Variants in EYS observed in about 807,000 individuals in gnomAD.
EYS encodes the protein protein eyes shut homolog.
Under a neutral mutation model 282.1 loss-of-function variants are expected in EYS, and 250 were observed. The observed-to-expected ratio is 0.89, with a 90% CI of 0.80 to 0.98. The LOEUF is 0.98. Ranked by LOEUF, EYS falls within the 50% of genes least tolerant of loss-of-function variation. The pLI, the probability that EYS is intolerant of heterozygous loss-of-function variation, is 0.00. For missense variants in EYS, 4,016 were observed against 3,709.0 expected (o/e 1.08, Z -2.15); for synonymous variants, 1,355 against 1,282.9 (o/e 1.06, Z -1.20).
In EYS at chr6:64,871,436, TCTAA is replaced by T. The variant is rs1040781852; in HGVS notation, c.2992+15257_2992+15260del. ...CATTGTGGTATTGGAGTTAAATGTC[TCTAA>T]CTGACTACAGGTAACACATGTTTTC... On this transcript the variant is annotated intron_variant, in intron 19 of 42. Coordinates refer to ENST00000503581, the MANE Select transcript of EYS (RefSeq NM_001142800.2). Among the ~76,000 whole-genome samples the T allele has an allele frequency of 5.3e-4, 81 of 152,076 alleles. 1 individual carries two copies. The highest frequency in any genetic ancestry group is 1.9e-3 in the African/African-American group (78 of 41,544).
At chr6:64,962,003 C>A (rs1769936379) in intron 14 of EYS, among the ~76,000 whole-genome samples, 2 of 152,028 alleles carry the variant, frequency 1.3e-5, no homozygotes, top group African/African-American at 2.4e-5. Flanking sequence ...GTGAAGTCAC[C>A]AAAAACATAA....
intron 22 of EYS, among the ~76,000 whole-genome samples, chr6:64,702,868 G>A (rs1770838525): frequency 6.6e-6 from 1 of 151,964 alleles, no homozygotes. Flanking sequence ...AAGTGTTTTG[G>A]AGTGTAACAA....
intron 12 of EYS, among the ~76,000 whole-genome samples, chr6:65,169,192 T>C (rs1230299128): frequency 6.6e-6 from 1 of 151,516 alleles, no homozygotes; most frequent in East Asian, 2.0e-4. Flanking sequence ...TAGAGAAAAA[T>C]GTATTCTATT....
intron 6 of EYS, among the ~76,000 whole-genome samples, chr6:65,402,836 T>C (rs1331142900): frequency 6.6e-6 from 1 of 152,074 alleles, no homozygotes; most frequent in Non-Finnish European, 1.5e-5. Flanking sequence ...TTAGCAACTA[T>C]ATTCCCTTCC....
intron 33 of EYS, among the ~76,000 whole-genome samples, chr6:64,048,795 G>A (rs7751663): frequency 0.02 from 3,107 of 151,664 alleles, 110 homozygotes; most frequent in African/African-American, 0.07. Context: ...CTTAAAAGAA[G>A]GAACCACAGA....
At position 64,690,588 on chromosome 6, in the gene EYS, T is replaced by A. The variant is rs550603374; in HGVS notation, c.3444-64343A>T. Among the ~76,000 whole-genome samples the A allele has an allele frequency of 1.5e-3, 224 of 152,226 alleles. 1 individual carries two copies. The highest frequency in any genetic ancestry group is 5.3e-3 in the African/African-American group (220 of 41,558). Reference sequence around the variant, plus strand: ...GACTTGGAATCAACCCAAATGTCCATCAATGATAGACTGGATTAAGAAAAT... The same window carrying A: ...GACTTGGAATCAACCCAAATGTCCAACAATGATAGACTGGATTAAGAAAAT... On this transcript the variant is annotated intron_variant, in intron 22 of 42. Coordinates refer to ENST00000503581, the MANE Select transcript of EYS (RefSeq NM_001142800.2).
At chr6:65,035,999 A>C (rs1026487959) in intron 13 of EYS, among the ~76,000 whole-genome samples, 4 of 149,636 alleles carry the variant, frequency 2.7e-5, no homozygotes, top group African/African-American at 4.9e-5. Context: ...TTTATATGGA[A>C]CCAAAAAGAG....
intron 22 of EYS, among the ~76,000 whole-genome samples, chr6:64,743,835 T>C (rs1288952691): frequency 2.0e-5 from 3 of 152,124 alleles, no homozygotes; most frequent in African/African-American, 7.2e-5. Flanking sequence ...CAAAGCACAA[T>C]ACCAAATTAA....
chr6:64,834,343 A>G (rs765383895), intron 19 of EYS, among the ~76,000 whole-genome samples: 20 of 152,004 alleles, frequency 1.3e-4, no homozygotes, highest in Middle Eastern at 3.4e-3. Context: ...TTAGCTTCAT[A>G]GTAAATTCAT....
chr6:63,974,228 T>C (rs1166293156), intron 35 of EYS, among the ~76,000 whole-genome samples: 2 of 152,016 alleles, frequency 1.3e-5, no homozygotes, highest in African/African-American at 2.4e-5. Flanking sequence ...TTTTTACGCA[T>C]TTTTTTGGTG....
intron 12 of EYS, among the ~76,000 whole-genome samples, chr6:65,075,320 A>G (rs1281085484): frequency 6.6e-6 from 1 of 152,052 alleles, no homozygotes; most frequent in Non-Finnish European, 1.5e-5. Context: ...TGGTTTTAAT[A>G]TTGCCAACAG....
rs1395632420 is a variant in EYS at position 64,703,432 on chromosome 6, T to A, written c.3444-77187A>T. On this transcript the variant is annotated intron_variant, in intron 22 of 42. Transcript: ENST00000503581. The stretch of plus-strand genomic sequence containing the variant: ...ACACATATATATATATATATATATT[T>A]TTTTTTTTTTTTTTTGAGATGGAGC... Among the ~76,000 whole-genome samples, 691 of 92,086 alleles carry A rather than the reference T, an allele frequency of 7.5e-3. 31 individuals carry two copies. Among genetic ancestry groups the A allele is most frequent in the African/African-American group, 0.023 (507 of 22,384 alleles). 60.4% of individuals were successfully genotyped at this position (92,086 alleles called of 152,430 possible).
intron 29 of EYS, among the ~76,000 whole-genome samples, chr6:64,310,892 T>A (rs534396922): frequency 3.5e-4 from 54 of 152,246 alleles, no homozygotes; most frequent in African/African-American, 1.3e-3. Context: ...TATATAAAAG[T>A]ATAATTTAAA....
At chr6:64,338,276 C>T (rs1770938088) in intron 29 of EYS, among the ~76,000 whole-genome samples, 1 of 151,828 alleles carries the variant, frequency 6.6e-6, no homozygotes, top group Admixed American at 6.6e-5. Context: ...AAGAATTCAG[C>T]AAAGTTTCTG....
intron 29 of EYS, among the ~76,000 whole-genome samples, chr6:64,357,393 G>A (rs1268766748): frequency 2.0e-5 from 3 of 151,564 alleles, no homozygotes; most frequent in South Asian, 4.1e-4. Context: ...GATGACAAGT[G>A]ATATTTTTAT....
chr6:65,511,984 CA>C (rs11368301), intron 2 of EYS, among the ~76,000 whole-genome samples: 25,566 of 92,736 alleles, frequency 0.28, 2,536 homozygotes, highest in African/African-American at 0.45. Context: ...AACTCTGTCT[CA>C]AAAAAAAAAA....
intron 28 of EYS, among the ~76,000 whole-genome samples, chr6:64,409,953 A>G (rs1187997829): frequency 6.6e-6 from 1 of 152,152 alleles, no homozygotes; most frequent in Non-Finnish European, 1.5e-5. Flanking sequence ...TATATTTTAT[A>G]TAGCCTGGGT....
intron 1 of EYS, among the ~76,000 whole-genome samples, chr6:65,684,233 C>T (rs966428057): frequency 1.1e-4 from 17 of 152,030 alleles, no homozygotes; most frequent in South Asian, 4.2e-4. Flanking sequence ...CAGAAGGGTG[C>T]GAGACACAGT....
chr6:64,228,628 A>T (rs150442103), intron 31 of EYS, among the ~76,000 whole-genome samples: 150 of 152,294 alleles, frequency 9.8e-4, no homozygotes, highest in African/African-American at 3.5e-3. Flanking sequence ...AAATTCAGCA[A>T]GAAAAATAGT....
Sources: allele counts gnomAD v4.1 joint callset (sites outside exome capture counted in the v4.1 genomes callset), GRCh38; gene constraint gnomAD v4.1.1; transcripts MANE v1.5; gene names NCBI Gene and HGNC (gene_info 2026-07-23, HGNC 2026-07-21).